The following PPARGC1A variants were observed in gnomAD, a reference collection of about 807,000 sequenced individuals.
PPARGC1A encodes the protein peroxisome proliferator-activated receptor gamma coactivator 1-alpha.
PPARGC1A carries 25 observed loss-of-function variants against 88.7 expected under a neutral mutation model. The ratio of observed to expected loss-of-function variants is 0.28; its 90% CI spans 0.21 to 0.39. The LOEUF is 0.39. PPARGC1A is among the 10% of genes least tolerant of loss of function. The pLI, the probability that PPARGC1A is intolerant of heterozygous loss-of-function variation, is 1.00. For synonymous variants in PPARGC1A, 363 were observed against 355.6 expected (o/e 1.02, Z -0.24); for missense variants, 880 against 968.7 (o/e 0.91, Z 1.22).
At chr4:24,145,687 C>T in the PPARGC1A span, among the ~76,000 whole-genome samples, 1 of 152,122 alleles carries the variant, frequency 6.6e-6, no homozygotes, top group Admixed American at 6.5e-5. Context: ...ATACCACGTT[C>T]GACTTAGGTT....
the PPARGC1A span, among the ~76,000 whole-genome samples, chr4:24,352,825 A>G: frequency 3.9e-5 from 6 of 152,358 alleles, no homozygotes; most frequent in East Asian, 1.2e-3. Context: ...CCTTAGAAGC[A>G]GGTAGCATTT....
chr4:23,975,785 G>A, the PPARGC1A span, among the ~76,000 whole-genome samples: 1 of 152,206 alleles, frequency 6.6e-6, no homozygotes, highest in African/African-American at 2.4e-5. Flanking sequence ...GGTTTTCTGA[G>A]TTCAAATTCT....
chr4:24,167,812 G>A, the PPARGC1A span, among the ~76,000 whole-genome samples: 1 of 152,100 alleles, frequency 6.6e-6, no homozygotes, highest in Non-Finnish European at 1.5e-5. Flanking sequence ...GGAGTGCAGT[G>A]GTACAACCTC....
chr4:24,334,306 C>G, the PPARGC1A span, among the ~76,000 whole-genome samples: 1 of 152,124 alleles, frequency 6.6e-6, no homozygotes, highest in African/African-American at 2.4e-5. Context: ...AACTGAAGCC[C>G]AAAGAATAAG....
At chr4:23,945,588 T>C in the PPARGC1A span, among the ~76,000 whole-genome samples, 1 of 152,084 alleles carries the variant, frequency 6.6e-6, no homozygotes, top group Non-Finnish European at 1.5e-5. Context: ...AGATGACAGC[T>C]GGGCCTAGAC....
the PPARGC1A span, among the ~76,000 whole-genome samples, chr4:24,470,287 C>G: frequency 3.0e-3 from 400 of 132,278 alleles, 5 homozygotes; most frequent in African/African-American, 0.011. This position sits in a 1 kb window ranked among gnomAD's most constrained non-coding sequence, Gnocchi z 5.8. Context: ...GACACACACA[C>G]ACACACACAC....
chr4:24,388,933 C>T, the PPARGC1A span, among the ~76,000 whole-genome samples: 3 of 151,972 alleles, frequency 2.0e-5, no homozygotes, highest in Non-Finnish European at 4.4e-5. Context: ...CAAACGTGCA[C>T]GTTCTGCACA....
At chr4:23,868,643 G>T (rs576045930) in intron 2 of PPARGC1A, among the ~76,000 whole-genome samples, 1 of 152,274 alleles carries the variant, frequency 6.6e-6, no homozygotes, top group East Asian at 1.9e-4. Flanking sequence ...AGGCCTTAAC[G>T]AAAGAAAAAG....
the PPARGC1A span, among the ~76,000 whole-genome samples, chr4:24,415,885 T>C: frequency 6.6e-6 from 1 of 152,096 alleles, no homozygotes; most frequent in Non-Finnish European, 1.5e-5. Flanking sequence ...AGGAGTGAGA[T>C]TGCAGGGATT....
the PPARGC1A span, among the ~76,000 whole-genome samples, chr4:24,014,335 C>T: frequency 1.5e-3 from 228 of 152,268 alleles, no homozygotes; most frequent in South Asian, 9.3e-3. Flanking sequence ...AGGAGGCAGG[C>T]GGCAGCAGGC....
chr4:24,439,105 TA>T, the PPARGC1A span, among the ~76,000 whole-genome samples: 1 of 152,054 alleles, frequency 6.6e-6, no homozygotes, highest in Non-Finnish European at 1.5e-5. Context: ...ACCCCCTGGG[TA>T]AACGTTCTGC....
chr4:23,813,946 C>T lies in PPARGC1A; in HGVS notation c.1537G>A (p.Asp513Asn). 6.2e-7 allele frequency: 1 copy of T among 1,614,050 alleles called. No homozygotes were observed. The highest frequency in any genetic ancestry group is 1.1e-5 in the South Asian group (1 of 91,058). ...AGTTTATCACTTTCATCTTCGCTGT[C>T]ATCAAACAGGCCATCCATGGCTAGT... The part of the protein sequence containing the change: ...SGLAMDGLFD[D>N]SEDESDKLSY... Residue 513 changes from aspartate (D) to asparagine (N), a missense_variant, in exon 8 of 13, where the codon GAC (aspartate) becomes AAC (asparagine). Asp to Asn is a conservative substitution (Grantham distance 23). Coordinates refer to ENST00000264867, the MANE Select transcript of PPARGC1A (RefSeq NM_013261.5).
the PPARGC1A span, among the ~76,000 whole-genome samples, chr4:23,981,250 C>T: frequency 6.6e-6 from 1 of 152,004 alleles, no homozygotes; most frequent in Non-Finnish European, 1.5e-5. Flanking sequence ...TGAATATATA[C>T]TATATACATT....
the PPARGC1A span, among the ~76,000 whole-genome samples, chr4:24,297,306 C>T: frequency 6.6e-6 from 1 of 152,132 alleles, no homozygotes; most frequent in African/African-American, 2.4e-5. Flanking sequence ...AAGATTCAAA[C>T]AAAAATCCCC....
intron 10 of PPARGC1A, among the ~76,000 whole-genome samples, chr4:23,806,942 G>A (rs759087422): frequency 2.0e-5 from 3 of 152,152 alleles, no homozygotes; most frequent in Non-Finnish European, 2.9e-5. Context: ...TTTAATGGGT[G>A]ATCTCTCTAA....
chr4:24,399,053 A>G, the PPARGC1A span, among the ~76,000 whole-genome samples: 3,034 of 152,268 alleles, frequency 0.02, 99 homozygotes, highest in East Asian at 0.15. Context: ...TAGGATTTCA[A>G]CTTCCCACAC....
the PPARGC1A span, among the ~76,000 whole-genome samples, chr4:24,255,029 C>A: frequency 3.3e-5 from 5 of 152,156 alleles, no homozygotes; most frequent in Non-Finnish European, 5.9e-5. Flanking sequence ...AAAGACTGAG[C>A]ATATTTCAGG....
the PPARGC1A span, among the ~76,000 whole-genome samples, chr4:24,130,629 T>C: frequency 2.0e-5 from 3 of 152,144 alleles, no homozygotes; most frequent in African/African-American, 7.2e-5. Flanking sequence ...ACTGTCCTCC[T>C]AGAAACCGCC....
chr4:24,138,441 C>G, the PPARGC1A span, among the ~76,000 whole-genome samples: 9 of 152,186 alleles, frequency 5.9e-5, no homozygotes, highest in African/African-American at 2.2e-4. Context: ...ACAGAACAAG[C>G]ACTTGTTTAC....
Sources: allele counts gnomAD v4.1 joint callset (sites outside exome capture counted in the v4.1 genomes callset), GRCh38; gene constraint gnomAD v4.1.1; non-coding constraint Gnocchi (gnomAD v3.1); transcripts MANE v1.5; gene names NCBI Gene and HGNC (gene_info 2026-07-23, HGNC 2026-07-21).